Variants in ZFHX3 observed in about 807,000 individuals in gnomAD.
ZFHX3 encodes zinc finger homeobox 3.
A neutral mutation model predicts 279.1 loss-of-function variants in ZFHX3; 42 were observed. The ratio of observed to expected loss-of-function variants is 0.15; its 90% CI spans 0.12 to 0.19. The LOEUF (loss-of-function observed/expected upper bound fraction) is 0.19. Ranked by LOEUF, ZFHX3 falls within the 10% of genes least tolerant of loss-of-function variation. The pLI is 1.00. For synonymous variants in ZFHX3, 2,293 were observed against 1,957.8 expected, an observed-to-expected ratio of 1.17 and a Z score of -4.52; for missense variants, 4,981 against 4,754.0, an observed-to-expected ratio of 1.05 and a Z score of -1.40.
chr16:73,557,906 C>G (rs1218335201), intron 2 of ZFHX3, among the ~76,000 whole-genome samples: 1 of 152,074 alleles, frequency 6.6e-6, no homozygotes, highest in Non-Finnish European at 1.5e-5. Flanking sequence ...AATCTACCTG[C>G]TCAACCAAAA....
chr16:73,559,844 A>C (rs1181993869), intron 2 of ZFHX3, among the ~76,000 whole-genome samples: 1 of 152,170 alleles, frequency 6.6e-6, no homozygotes, highest in Non-Finnish European at 1.5e-5. Flanking sequence ...TGATTAATTA[A>C]CTAGCTGGAG....
chr16:73,695,598 G>A (rs909628477), intron 1 of ZFHX3, among the ~76,000 whole-genome samples: 2 of 152,162 alleles, frequency 1.3e-5, no homozygotes, highest in South Asian at 2.1e-4. Flanking sequence ...GGAGAAAAGG[G>A]TATACGTTTA....
intron 7 of ZFHX3, 100 bp downstream of exon 7, chr16:72,811,477 C>T: frequency 8.0e-7 from 1 of 1,253,082 alleles, no homozygotes. Flanking sequence ...TCCAACTCTA[C>T]ACTGACTTTC....
At chr16:73,244,344 A>AT (rs199940811) in intron 5 of ZFHX3, among the ~76,000 whole-genome samples, 4,457 of 152,182 alleles carry the variant, frequency 0.029, 87 homozygotes, top group Middle Eastern at 0.062. Context: ...AAGAAGACAG[A>AT]TTATCCTTCT....
intron 3 of ZFHX3, among the ~76,000 whole-genome samples, chr16:72,923,649 G>C (rs2144251618): frequency 1.3e-5 from 2 of 151,968 alleles, no homozygotes; most frequent in South Asian, 4.2e-4. Flanking sequence ...GGAGCACCCA[G>C]GAATTAAGAC....
chr16:72,787,743 ACCG>A lies in ZFHX3; in HGVS notation c.10530_10532del (p.Gly3512del), dbSNP rs762513291. 3.6e-4 allele frequency: 497 copies of A among 1,372,690 alleles called. 3 individuals carry two copies. Among genetic ancestry groups the A allele is most frequent in the South Asian group, 1.6e-3 (80 of 48,642 alleles). The allele number at this position is 1,372,690 out of a possible 1,614,324, so 85.0% of individuals were successfully genotyped here. A position where few individuals can be genotyped will look rare whatever the true frequency, so the allele number is the denominator to read the frequency against. On this transcript the variant is annotated inframe_deletion, in exon 10 of 10. Transcript: ENST00000268489. ...CACCGCCGCCGCCGCCGCCACTGCC[ACCG>A]CCGCCGCCGCCGGTGGGGACGTGAA...
intron 2 of ZFHX3, among the ~76,000 whole-genome samples, chr16:73,616,953 T>C (rs1311167457): frequency 6.6e-6 from 1 of 152,194 alleles, no homozygotes; most frequent in East Asian, 1.9e-4. Flanking sequence ...GTCACTTCTC[T>C]ATAACGGATG....
At chr16:73,028,597 G>A (rs1421236970) in intron 1 of ZFHX3, among the ~76,000 whole-genome samples, 3 of 152,180 alleles carry the variant, frequency 2.0e-5, no homozygotes, top group Admixed American at 2.0e-4. Flanking sequence ...ACGATTGTTA[G>A]AACTCAAGAC....
intron 3 of ZFHX3, among the ~76,000 whole-genome samples, chr16:72,905,074 A>C (rs1013740071): frequency 3.3e-5 from 5 of 151,950 alleles, no homozygotes; most frequent in Non-Finnish European, 7.4e-5. Context: ...TCCTAACCTC[A>C]AGTGATCCGC....
At chr16:73,602,356 G>A (rs986831540) in intron 2 of ZFHX3, among the ~76,000 whole-genome samples, 1 of 152,082 alleles carries the variant, frequency 6.6e-6, no homozygotes, top group African/African-American at 2.4e-5. Context: ...ACTACAGAAC[G>A]AGCAGCTTCC....
rs1034970401 is a variant in ZFHX3 at position 73,823,121 on chromosome 16, G to C, written c.-1608+68530C>G. 1.2e-4 allele frequency among the ~76,000 whole-genome samples: 19 copies of C among 152,262 alleles called. No homozygotes were observed. In the East Asian group the frequency reaches 3.7e-3, roughly 29 times the overall value. ...TAAAAGCAAATAGGAAACTGTATTT[G>C]AGCCAAGGTCTACGACGTATATGAA... On this transcript the variant is annotated intron_variant, in intron 1 of 17. Coordinates refer to the ZFHX3 transcript ENST00000641206.
intron 4 of ZFHX3, among the ~76,000 whole-genome samples, chr16:73,272,795 G>A (rs983106588): frequency 3.9e-5 from 6 of 152,142 alleles, no homozygotes; most frequent in Non-Finnish European, 7.4e-5. Context: ...CGCCCAGGCT[G>A]GAGCACAGTG....
At chr16:73,773,819 C>T (rs968529575) in intron 1 of ZFHX3, among the ~76,000 whole-genome samples, 98 of 152,256 alleles carry the variant, frequency 6.4e-4, no homozygotes, top group African/African-American at 2.0e-3. Flanking sequence ...GGGACTCCAA[C>T]ATTCCCTGGT....
chr16:73,616,314 T>G (rs1227081731), intron 2 of ZFHX3, among the ~76,000 whole-genome samples: 4 of 149,812 alleles, frequency 2.7e-5, no homozygotes, highest in Non-Finnish European at 5.9e-5. Context: ...GATCACAGGT[T>G]AATGACAGCT....
At chr16:73,308,117 C>T (rs1490176274) in intron 4 of ZFHX3, among the ~76,000 whole-genome samples, 1 of 151,490 alleles carries the variant, frequency 6.6e-6, no homozygotes, top group Non-Finnish European at 1.5e-5. Context: ...GTAGAAAATA[C>T]TTGTCGGAGA....
chr16:72,858,497 T>C (rs2037807124), intron 4 of ZFHX3, among the ~76,000 whole-genome samples: 1 of 152,140 alleles, frequency 6.6e-6, no homozygotes, highest in Non-Finnish European at 1.5e-5. Context: ...TTTATTCTCT[T>C]TCATAGAAGC....
intron 4 of ZFHX3, among the ~76,000 whole-genome samples, chr16:72,873,175 T>C (rs2038208501): frequency 6.6e-6 from 1 of 152,222 alleles, no homozygotes; most frequent in African/African-American, 2.4e-5. Flanking sequence ...TTCCAAAAGA[T>C]CATAGGCTGG....
At chr16:73,145,843 G>C (rs1597181595) in intron 5 of ZFHX3, among the ~76,000 whole-genome samples, 1 of 152,256 alleles carries the variant, frequency 6.6e-6, no homozygotes, top group Non-Finnish European at 1.5e-5. Flanking sequence ...AGATATAAGA[G>C]GTCCTGCAAG....
intron 3 of ZFHX3, among the ~76,000 whole-genome samples, chr16:72,947,950 A>G (rs1037236424): frequency 6.6e-6 from 1 of 152,176 alleles, no homozygotes; most frequent in Non-Finnish European, 1.5e-5. Context: ...AGAAAAAGTG[A>G]CTCTCAAACC....
Sources: allele counts gnomAD v4.1 joint callset (sites outside exome capture counted in the v4.1 genomes callset), GRCh38; gene constraint gnomAD v4.1.1; transcripts MANE v1.5; gene names NCBI Gene and HGNC (gene_info 2026-07-23, HGNC 2026-07-21).